The following CASKIN2 variants were observed in gnomAD, a reference collection of about 807,000 sequenced individuals.
CASKIN2 encodes caskin-2.
A neutral mutation model predicts 107.1 loss-of-function variants in CASKIN2; 41 were observed. The observed-to-expected ratio is 0.38, with a 90% CI of 0.30 to 0.50. The LOEUF (loss-of-function observed/expected upper bound fraction) is 0.50. Ranked by LOEUF, CASKIN2 falls within the 20% of genes least tolerant of loss-of-function variation. CASKIN2 has a pLI of 0.92. For missense variants in CASKIN2, 1,546 were observed against 1,657.4 expected (o/e 0.93, Z 1.17); for synonymous variants, 724 against 705.6 (o/e 1.03, Z -0.41).
intron 2 of CASKIN2, chr17:75,509,508 G>A: frequency 3.2e-6 from 3 of 925,496 alleles, no homozygotes; most frequent in Non-Finnish European, 3.9e-6. Context: ...GAAGGACACT[G>A]TGCCACAAAG....
Position 75,502,555 on chromosome 17 carries a change from C to T in CASKIN2, c.2519G>A (p.Arg840Gln), listed in dbSNP as rs763984337. Residue 840 changes from arginine (R) to glutamine (Q), a missense_variant, in exon 18 of 20, where the codon CGG (arginine) becomes CAG (glutamine). By Grantham distance (43) the Arg-to-Gln change is conservative. Around this residue, in one of 6 missense-constraint regions of CASKIN2, gnomAD observed 1,311 missense variants for 1,311.0 expected, o/e 1.00. Coordinates refer to ENST00000321617, the MANE Select transcript of CASKIN2 (RefSeq NM_020753.5). The surrounding 1 kb of genome is among the most constrained non-coding windows in gnomAD (Gnocchi z 4.3). ...TRRPGRSALV[R>Q]TSPSVTPTPA... ...GGTTGGGGTCACACTAGGACTGGTC[C>T]GGACAAGGGCACTGCGTCCTGGCCG... The T allele has an allele frequency of 2.8e-5, 44 of 1,564,536 alleles. No homozygotes were observed. The highest frequency in any genetic ancestry group is 5.9e-5 in the South Asian group (5 of 85,014).
rs762493700 is a variant in CASKIN2 at position 75,502,405 on chromosome 17, T to C, written c.2669A>G (p.Asp890Gly). 5 of 1,468,600 alleles carry C rather than the reference T, an allele frequency of 3.4e-6. No homozygotes were observed. The highest frequency in any genetic ancestry group is 1.4e-5 in the South Asian group (1 of 69,220). 91.0% of individuals were successfully genotyped at this position (1,468,600 alleles called of 1,614,324 possible). The part of the protein sequence containing the change: ...SGPSPEPPPL[D>G]ESPGPKEGAT... ...CCCTTCCTTGGGCCCTGGGCTCTCA[T>C]CTAGTGGAGGTGGCTCCGGGCTGGG... Residue 890 changes from aspartate (D) to glycine (G), a missense_variant, in exon 18 of 20, where the codon GAT becomes GGT. Physicochemically the swap from Asp to Gly is moderately conservative, Grantham distance 94. This residue lies in a region of CASKIN2 where 1,311 missense variants were observed against 1,311.0 expected (regional missense o/e 1.00). Coordinates refer to ENST00000321617, the MANE Select transcript of CASKIN2 (RefSeq NM_020753.5). This position sits in a 1 kb window ranked among gnomAD's most constrained non-coding sequence, Gnocchi z 4.3.
Position 75,502,981 on chromosome 17 carries a change from T to G in CASKIN2, c.2093A>C (p.Gln698Pro). 6.2e-7 allele frequency: 1 copy of G among 1,604,632 alleles called. No homozygotes were observed. Among genetic ancestry groups the G allele is most frequent in the Non-Finnish European group, 8.5e-7 (1 of 1,176,184 alleles). The change falls in exon 18 of 20, where the codon CAG becomes CCG. Residue 698 changes from glutamine (Q) to proline (P), a missense_variant. Physicochemically the swap from Gln to Pro is moderately conservative, Grantham distance 76. Coordinates refer to ENST00000321617, the MANE Select transcript of CASKIN2 (RefSeq NM_020753.5). The surrounding 1 kb of genome is among the most constrained non-coding windows in gnomAD (Gnocchi z 4.3). ...LPLPPARSPS[Q>P]ESIGARSRGS... is the part of the protein sequence containing the mutation. ...CCGTGAGCGTGCCCCGATGCTCTCCTGGCTGGGAGAGCGGGCAGGTGGGAG... is the reference window on the plus strand; with the variant it reads ...CCGTGAGCGTGCCCCGATGCTCTCCGGGCTGGGAGAGCGGGCAGGTGGGAG...
Position 75,506,494 on chromosome 17 carries a change from C to T in CASKIN2, c.618-81G>A, listed in dbSNP as rs368812809. On this transcript the variant is annotated intron_variant, in intron 7 of 19. Coordinates refer to ENST00000321617, the MANE Select transcript of CASKIN2 (RefSeq NM_020753.5). This position sits in a 1 kb window ranked among gnomAD's most constrained non-coding sequence, Gnocchi z 4.8. ...CTGGGGGCCTGGGAGATGGAGAGCCCGGGTGAAAAGGGCAGTGGGGGAGAG... is the reference window on the plus strand; with the variant it reads ...CTGGGGGCCTGGGAGATGGAGAGCCTGGGTGAAAAGGGCAGTGGGGGAGAG... 106 of 1,586,956 alleles carry T rather than the reference C, an allele frequency of 6.7e-5. No individual in the cohort carries two copies. The highest frequency in any genetic ancestry group is 1.6e-4 in the South Asian group (14 of 90,132).
chr17:75,502,600 C>A lies in CASKIN2; in HGVS notation c.2474G>T (p.Ser825Ile). 2 of 1,601,714 alleles carry A rather than the reference C, an allele frequency of 1.2e-6. No homozygotes were observed. The highest frequency in any genetic ancestry group is 1.7e-6 in the Non-Finnish European group (2 of 1,173,738). The change falls in exon 18 of 20, where the codon AGT becomes ATT. Residue 825 changes from serine to isoleucine, a missense_variant. Coordinates refer to ENST00000321617, the MANE Select transcript of CASKIN2 (RefSeq NM_020753.5). This position sits in a 1 kb window ranked among gnomAD's most constrained non-coding sequence, Gnocchi z 4.3. ...AEGPVGSTLG[S>I]YATLTRRPGR... ...TGGCCGCCGGGTAAGGGTAGCATAACTGCCTAGGGTGCTGCCCACTGGCCC... is the reference window on the plus strand; with the variant it reads ...TGGCCGCCGGGTAAGGGTAGCATAAATGCCTAGGGTGCTGCCCACTGGCCC...
chr17:75,505,389 A>G lies in CASKIN2; in HGVS notation c.930+168T>C. ...ATTTTGTTTAATTCTCAATTTTGTCATCTGTAAAGAAGAAATGCTAACAGC... is the reference window on the plus strand; with the variant it reads ...ATTTTGTTTAATTCTCAATTTTGTCGTCTGTAAAGAAGAAATGCTAACAGC... On this transcript the variant is annotated intron_variant, in intron 10 of 19. Coordinates refer to ENST00000321617, the MANE Select transcript of CASKIN2 (RefSeq NM_020753.5). The surrounding 1 kb of genome is among the most constrained non-coding windows in gnomAD (Gnocchi z 5.1). The G allele has an allele frequency of 1.4e-6, 1 of 693,574 alleles. No homozygotes were observed. Among genetic ancestry groups the G allele is most frequent in the Non-Finnish European group, 2.5e-6 (1 of 400,564 alleles). The allele number at this position is 693,574 out of a possible 1,614,324, so 43.0% of individuals were successfully genotyped here. A position where few individuals can be genotyped will look rare whatever the true frequency, so the allele number is the denominator to read the frequency against.
intron 13 of CASKIN2, 39 bp downstream of exon 13, chr17:75,504,381 A>G: frequency 6.2e-7 from 1 of 1,600,676 alleles, no homozygotes; most frequent in Non-Finnish European, 8.5e-7. Context: ...CCTTACTTGC[A>G]CCTCTCCTAG....
Position 75,505,443 on chromosome 17 carries a change from A to T in CASKIN2, c.930+114T>A. On this transcript the variant is annotated intron_variant, in intron 10 of 19. Coordinates refer to ENST00000321617, the MANE Select transcript of CASKIN2 (RefSeq NM_020753.5). The surrounding 1 kb of genome is among the most constrained non-coding windows in gnomAD (Gnocchi z 5.1). ...GCCTTCCCTGGCTTTAAGAAGAATT[A>T]AATGAGGGTGCATATAGAGACCTCA... 2 of 928,958 alleles carry T rather than the reference A, an allele frequency of 2.2e-6. No homozygotes were observed. Among genetic ancestry groups the T allele is most frequent in the Non-Finnish European group, 3.4e-6 (2 of 579,754 alleles). 57.5% of individuals were successfully genotyped at this position (928,958 alleles called of 1,614,324 possible). A position where few individuals can be genotyped will look rare whatever the true frequency, so the allele number is the denominator to read the frequency against.
Position 75,501,666 on chromosome 17 carries a change from A to G in CASKIN2, c.3320T>C (p.Val1107Ala). ...AGAAAATGCCAGCTGGGTGCAGGCC[A>G]CCGACACAGGCTTGGGGGCTGTTCC... is the stretch of plus-strand genomic sequence containing the variant. Reference protein sequence around the residue: ...GAGTAPKPVSVACTQLAFSGP... With the variant: ...GAGTAPKPVSAACTQLAFSGP... The change falls in exon 19 of 20, where the codon GTG (valine) becomes GCG (alanine). Residue 1107 changes from valine (V) to alanine (A), a missense_variant. By Grantham distance (64) the Val-to-Ala change is moderately conservative. This residue lies in a region of CASKIN2 where 1,311 missense variants were observed against 1,311.0 expected (regional missense o/e 1.00). Transcript: ENST00000321617. 6.3e-7 allele frequency: 1 copy of G among 1,582,274 alleles called. No individual in the cohort carries two copies. Among genetic ancestry groups the G allele is most frequent in the East Asian group, 2.3e-5 (1 of 44,230 alleles).
At position 75,505,315 on chromosome 17, in the gene CASKIN2, T is replaced by G; in HGVS notation, c.930+242A>C. 2 of 624,250 alleles carry G rather than the reference T, an allele frequency of 3.2e-6. No individual in the cohort carries two copies. The highest frequency in any genetic ancestry group is 3.9e-5 in the South Asian group (2 of 51,778). The allele number at this position is 624,250 out of a possible 1,614,324, so 38.7% of individuals were successfully genotyped here. A position where few individuals can be genotyped will look rare whatever the true frequency, so the allele number is the denominator to read the frequency against. ...CGTGGTCAAATCACAGCTCCACTACTTGCTAGCTGTGTGACCTTGGGCAAG... is the reference window on the plus strand; with the variant it reads ...CGTGGTCAAATCACAGCTCCACTACGTGCTAGCTGTGTGACCTTGGGCAAG... On this transcript the variant is annotated intron_variant, in intron 10 of 19. Coordinates refer to ENST00000321617, the MANE Select transcript of CASKIN2 (RefSeq NM_020753.5). The surrounding 1 kb of genome is among the most constrained non-coding windows in gnomAD (Gnocchi z 5.1).
rs1374513892 is a variant in CASKIN2 at position 75,514,199 on chromosome 17, T to C, written c.-395A>G. ...GCCTCAGGCAGCAGCGGTGCACTGG[T>C]CTCAGGGCTCTGGAAAAAGCACGGG... On this transcript the variant is annotated 5_prime_UTR_variant, in exon 2 of 20. Transcript: ENST00000321617. 2 of 466,602 alleles carry C rather than the reference T, an allele frequency of 4.3e-6. No individual in the cohort carries two copies. Among genetic ancestry groups the C allele is most frequent in the Admixed American group, 3.8e-5 (1 of 26,566 alleles). The allele number at this position is 466,602 out of a possible 1,614,324, so 28.9% of individuals were successfully genotyped here.
chr17:75,504,460 C>T lies in CASKIN2; in HGVS notation c.1335G>A (p.Glu445=). The T allele has an allele frequency of 6.2e-7, 1 of 1,608,886 alleles. No homozygotes were observed. Among genetic ancestry groups the T allele is most frequent in the South Asian group, 1.1e-5 (1 of 90,918 alleles). The part of the protein sequence containing the change: ...ENAQPLPSAG[E]DQVLPGLHPP... ...GGTGGAGTCCTGGCAGCACCTGGTC[C>T]TCTCCAGCAGAGGGCAGTGGCTGGA... The change falls in exon 13 of 20, where the codon GAG becomes GAA. Residue 445 remains glutamate (E), a synonymous_variant. Coordinates refer to ENST00000321617, the MANE Select transcript of CASKIN2 (RefSeq NM_020753.5).
chr17:75,513,659 T>G, intron 2 of CASKIN2, 52 bp downstream of exon 2: 6 of 703,234 alleles, frequency 8.5e-6, no homozygotes, highest in Non-Finnish European at 1.5e-5. Flanking sequence ...ACCAAGCCTC[T>G]GTGAACTGAG....
chr17:75,513,175 C>A (rs576251110), intron 2 of CASKIN2, among the ~76,000 whole-genome samples: 2 of 143,204 alleles, frequency 1.4e-5, no homozygotes, highest in South Asian at 4.9e-4. Context: ...CAGTGACTCA[C>A]GCCTGTAATC....
In CASKIN2 at chr17:75,507,128, G is replaced by T. The variant is rs755697016; in HGVS notation, c.246C>A (p.Gly82=). 5.0e-6 allele frequency: 8 copies of T among 1,606,146 alleles called. No homozygotes were observed. The African/African-American group carries it at 8.0e-5, about 16-fold the overall frequency. ...AGGCTGCGTAGTGCAGCGGGCGCAT[G>T]CCTGGCAGGAGGAAAGGGTTTCTGA... is the stretch of plus-strand genomic sequence containing the variant. ...QATVDIKDSN[G]MRPLHYAAWQ... Residue 82 remains glycine, a splice_region_variant and synonymous_variant, in exon 5 of 20, where the codon GGC becomes GGA. Coordinates refer to ENST00000321617, the MANE Select transcript of CASKIN2 (RefSeq NM_020753.5).
chr17:75,505,310 A>G lies in CASKIN2; in HGVS notation c.931-237T>C, dbSNP rs118179686. ...CAGCCCGTGGTCAAATCACAGCTCCACTACTTGCTAGCTGTGTGACCTTGG... is the reference window on the plus strand; with the variant it reads ...CAGCCCGTGGTCAAATCACAGCTCCGCTACTTGCTAGCTGTGTGACCTTGG... On this transcript the variant is annotated intron_variant, in intron 10 of 19. Transcript: ENST00000321617. The surrounding 1 kb of genome is among the most constrained non-coding windows in gnomAD (Gnocchi z 5.1). 3,777 of 624,540 alleles carry G rather than the reference A, an allele frequency of 6.0e-3. 14 individuals carry two copies. The highest frequency in any genetic ancestry group is 0.012 in the Middle Eastern group (28 of 2,368). 38.7% of individuals were successfully genotyped at this position (624,540 alleles called of 1,614,324 possible).
At chr17:75,501,421 A>G in intron 19 of CASKIN2, 47 bp downstream of exon 19, 1 of 1,552,868 alleles carries the variant, frequency 6.4e-7, no homozygotes. Context: ...TGCAGGGAGC[A>G]CTGTTTCTCT....
In CASKIN2 at chr17:75,501,474, T is replaced by C; in HGVS notation, c.3512A>G (p.Gln1171Arg). 6.2e-7 allele frequency: 1 copy of C among 1,608,172 alleles called. No individual in the cohort carries two copies. Among genetic ancestry groups the C allele is most frequent in the East Asian group, 2.2e-5 (1 of 44,672 alleles). ...CCCATCCGGCCCCCCTCACCCCTCTTGCTCCTTGGTGCCAATGCTCTTCTC... is the reference window on the plus strand; with the variant it reads ...CCCATCCGGCCCCCCTCACCCCTCTCGCTCCTTGGTGCCAATGCTCTTCTC... ...AAEKSIGTKEQEGTPSASTKH... is the reference protein window; with the variant it reads ...AAEKSIGTKEREGTPSASTKH... Residue 1171 changes from glutamine to arginine, a missense_variant, in exon 19 of 20, where the codon CAA (glutamine) becomes CGA (arginine). Gln to Arg is a conservative substitution (Grantham distance 43). This residue lies in a region of CASKIN2 where 1,311 missense variants were observed against 1,311.0 expected (regional missense o/e 1.00). Transcript: ENST00000321617.
intron 2 of CASKIN2, among the ~76,000 whole-genome samples, chr17:75,512,389 C>T (rs1296354805): frequency 1.3e-5 from 2 of 152,158 alleles, no homozygotes; most frequent in African/African-American, 4.8e-5. Context: ...GTCTATTCTC[C>T]CTGTGGGGGG....
Sources: gnomAD v4.1 joint callset for allele counts (sites outside exome capture counted in the v4.1 genomes callset) on GRCh38, gnomAD v4.1.1 for gene constraint, gnomAD v4.1.1 regional missense constraint, Gnocchi (gnomAD v3.1) non-coding constraint, MANE v1.5 for transcripts, NCBI Gene and HGNC (gene_info 2026-07-23, HGNC 2026-07-21) for gene names.